The following CCDC148 variants were observed in gnomAD, a reference collection of about 807,000 sequenced individuals.
CCDC148 encodes coiled-coil domain containing 148, also known as coiled-coil domain-containing protein 148.
In CCDC148, 89 loss-of-function variants were observed where a neutral mutation model predicts 85.7. That is an observed-to-expected ratio of 1.04 (90% CI 0.87 to 1.24). CCDC148 has a LOEUF of 1.24. Ranked by LOEUF, CCDC148 falls within the 50% of genes most tolerant of loss-of-function variation. The pLI is 0.00. For synonymous variants in CCDC148, 230 were observed against 213.9 expected (o/e 1.08, Z -0.66); for missense variants, 692 against 671.7 (o/e 1.03, Z -0.33).
intron 13 of CCDC148, among the ~76,000 whole-genome samples, chr2:158,175,282 C>T (rs17806040): frequency 6.6e-6 from 1 of 151,996 alleles, no homozygotes; most frequent in South Asian, 2.1e-4. Context: ...TCTAGAGACA[C>T]CTCTTAAACC....
At chr2:158,244,635 C>A (rs1297864736) in intron 10 of CCDC148, among the ~76,000 whole-genome samples, 1 of 152,100 alleles carries the variant, frequency 6.6e-6, no homozygotes, top group Non-Finnish European at 1.5e-5. Flanking sequence ...TGTTTCAAAT[C>A]TCTTACCACC....
intron 1 of CCDC148, among the ~76,000 whole-genome samples, chr2:158,362,470 C>T (rs1421779164): frequency 6.6e-6 from 1 of 152,022 alleles, no homozygotes; most frequent in African/African-American, 2.4e-5. Flanking sequence ...ATAGCAGTCT[C>T]TCAGATCACA....
At chr2:158,318,027 G>A (rs1692358297) in intron 7 of CCDC148, among the ~76,000 whole-genome samples, 2 of 152,112 alleles carry the variant, frequency 1.3e-5, no homozygotes, top group Admixed American at 6.5e-5. Context: ...GCTGCATCGG[G>A]TCTGACCCTC....
intron 7 of CCDC148, among the ~76,000 whole-genome samples, chr2:158,336,061 A>G (rs1682359624): frequency 6.6e-6 from 1 of 152,220 alleles, no homozygotes. Context: ...AGCAGTGCAC[A>G]ACTGTCTAAA....
intron 1 of CCDC148, among the ~76,000 whole-genome samples, chr2:158,411,549 T>C (rs560075359): frequency 3.2e-4 from 49 of 152,146 alleles, no homozygotes; most frequent in Non-Finnish European, 5.9e-4. Flanking sequence ...GTTATTTCTA[T>C]TCCTTTGTTG....
chr2:158,381,760 C>T (rs1480890467), intron 1 of CCDC148, among the ~76,000 whole-genome samples: 1 of 152,058 alleles, frequency 6.6e-6, no homozygotes, highest in African/African-American at 2.4e-5. Context: ...TGTGGTGTTG[C>T]ATGCCTATCA....
chr2:158,351,463 A>G (rs1319137874), intron 2 of CCDC148, among the ~76,000 whole-genome samples: 1 of 15,576 alleles, frequency 6.4e-5, no homozygotes, highest in Non-Finnish European at 1.6e-4. Context: ...CGAGTCAAAG[A>G]AAGGGGCACC....
intron 1 of CCDC148, among the ~76,000 whole-genome samples, chr2:158,406,209 A>T (rs2602195): frequency 0.032 from 4,806 of 152,268 alleles, 109 homozygotes; most frequent in African/African-American, 0.059. Context: ...TCTGGCTTGC[A>T]AGAGACCTGA....
At chr2:158,224,715 T>C (rs1469320218) in intron 10 of CCDC148, among the ~76,000 whole-genome samples, 3 of 152,062 alleles carry the variant, frequency 2.0e-5, no homozygotes, top group Non-Finnish European at 2.9e-5. Flanking sequence ...GCTTCGTAAG[T>C]GAAGGAGAAA....
chr2:158,242,638 T>G (rs1314176601), intron 10 of CCDC148, among the ~76,000 whole-genome samples: 1 of 151,026 alleles, frequency 6.6e-6, no homozygotes, highest in African/African-American at 2.4e-5. Flanking sequence ...CTGTAGTTTT[T>G]TTTTTTTTTT....
chr2:158,400,313 A>G (rs1415563430), intron 1 of CCDC148, among the ~76,000 whole-genome samples: 13 of 152,312 alleles, frequency 8.5e-5, no homozygotes, highest in African/African-American at 3.1e-4. Context: ...AAACTATACT[A>G]CAAGGCTACA....
intron 1 of CCDC148, among the ~76,000 whole-genome samples, chr2:158,429,530 T>G (rs1687241820): frequency 1.3e-5 from 2 of 152,148 alleles, no homozygotes; most frequent in Non-Finnish European, 2.9e-5. Context: ...AGTATGATAT[T>G]CTAGGAACTA....
intron 7 of CCDC148, among the ~76,000 whole-genome samples, chr2:158,326,421 G>GT (rs1692779948): frequency 6.6e-6 from 1 of 152,032 alleles, no homozygotes; most frequent in South Asian, 2.1e-4. Context: ...ATATACTTAT[G>GT]TATTATGTTT....
At position 158,172,203 on chromosome 2, in the gene CCDC148, A is replaced by G. The variant is rs1413435571; in HGVS notation, c.1686T>C (p.His562=). 3 of 1,609,698 alleles carry G rather than the reference A, an allele frequency of 1.9e-6. No individual in the cohort carries two copies. Among genetic ancestry groups the G allele is most frequent in the Non-Finnish European group, 1.7e-6 (2 of 1,177,748 alleles). Residue 562 remains histidine (H), a synonymous_variant, in exon 14 of 14, where the codon CAT becomes CAC. Transcript: ENST00000283233. The stretch of plus-strand genomic sequence containing the variant: ...ATATCTCTTTAGCATAAAGTGTTCT[A>G]TGAAGTCCAGCTTCTCGAAGTGCTA... ...FELALREAGL[H]RTLYAKEILP...
intron 1 of CCDC148, among the ~76,000 whole-genome samples, chr2:158,444,293 G>C (rs1688068526): frequency 6.6e-6 from 1 of 151,744 alleles, no homozygotes; most frequent in Non-Finnish European, 1.5e-5. Context: ...GAATAGAAAG[G>C]GATTTAAGCT....
At position 158,248,438 on chromosome 2, in the gene CCDC148, T is replaced by A. The variant is rs114242763; in HGVS notation, c.1251+2334A>T. On this transcript the variant is annotated intron_variant, in intron 10 of 13. Coordinates refer to ENST00000283233, the MANE Select transcript of CCDC148 (RefSeq NM_138803.4). Reference sequence around the variant, plus strand: ...AAAATATTTTATAAATGAAAAAGTATTTTAAAAATAAAATAAGTCGTATGC... The same window carrying A: ...AAAATATTTTATAAATGAAAAAGTAATTTAAAAATAAAATAAGTCGTATGC... Among the ~76,000 whole-genome samples, 945 of 152,310 alleles carry A rather than the reference T, an allele frequency of 6.2e-3. 12 individuals carry two copies. The highest frequency in any genetic ancestry group is 0.022 in the African/African-American group (906 of 41,568).
At chr2:158,348,610 T>C (rs541363988) in intron 2 of CCDC148, among the ~76,000 whole-genome samples, 1 of 152,144 alleles carries the variant, frequency 6.6e-6, no homozygotes, top group Admixed American at 6.5e-5. Flanking sequence ...ATCTCTATTA[T>C]TTCAGAAATA....
intron 10 of CCDC148, among the ~76,000 whole-genome samples, chr2:158,228,572 T>C (rs1687679219): frequency 6.6e-6 from 1 of 152,126 alleles, no homozygotes; most frequent in Non-Finnish European, 1.5e-5. Flanking sequence ...TGTCCAACAA[T>C]GATAGACTGG....
intron 11 of CCDC148, among the ~76,000 whole-genome samples, chr2:158,212,974 C>A (rs1475793506): frequency 6.6e-6 from 1 of 152,160 alleles, no homozygotes; most frequent in Non-Finnish European, 1.5e-5. Context: ...GTAGAAAGAA[C>A]TTTAGTACAA....
Sources: allele counts gnomAD v4.1 joint callset (sites outside exome capture counted in the v4.1 genomes callset), GRCh38; gene constraint gnomAD v4.1.1; transcripts MANE v1.5; gene names NCBI Gene and HGNC (gene_info 2026-07-23, HGNC 2026-07-21).